ATP6V0E1: variants seen among roughly 807,000 people sequenced by gnomAD.
ATP6V0E1 encodes the protein V-type proton ATPase subunit e 1.
A neutral mutation model predicts 11.6 loss-of-function variants in ATP6V0E1; 4 were observed. That is an observed-to-expected ratio of 0.35 (90% CI 0.17 to 0.79). The LOEUF is 0.79. Ranked by LOEUF, ATP6V0E1 falls within the 30% of genes least tolerant of loss-of-function variation. ATP6V0E1 has a pLI of 0.54. For missense variants in ATP6V0E1, 105 were observed against 100.0 expected, an observed-to-expected ratio of 1.05 and a Z score of -0.21; for synonymous variants, 36 against 34.8, an observed-to-expected ratio of 1.04 and a Z score of -0.13.
chr5:173,011,725 A>G (rs893732247), intron 2 of ATP6V0E1, among the ~76,000 whole-genome samples: 2 of 151,042 alleles, frequency 1.3e-5, no homozygotes, highest in Admixed American at 1.3e-4. Context: ...ATAATCTCAG[A>G]TTGGTTATTA....
At chr5:173,015,784 T>C (rs1016218567) in intron 2 of ATP6V0E1, among the ~76,000 whole-genome samples, 5 of 152,210 alleles carry the variant, frequency 3.3e-5, no homozygotes, top group Admixed American at 6.5e-5. Context: ...TAAAGTGCAG[T>C]GGTGCGACCT....
chr5:173,031,151 A>C (rs1323154262), intron 3 of ATP6V0E1, among the ~76,000 whole-genome samples: 1 of 151,796 alleles, frequency 6.6e-6, no homozygotes, highest in African/African-American at 2.4e-5. Flanking sequence ...TCACTGTGTT[A>C]GCCAGGATGG....
chr5:172,989,458 C>T (rs1345045480), intron 1 of ATP6V0E1, among the ~76,000 whole-genome samples: 3 of 152,180 alleles, frequency 2.0e-5, no homozygotes, highest in Non-Finnish European at 2.9e-5. Flanking sequence ...GATAAATTAA[C>T]ATCAAATACA....
chr5:172,983,832 G>C lies in ATP6V0E1; in HGVS notation c.-29G>C, dbSNP rs758582346. The C allele has an allele frequency of 2.5e-6, 4 of 1,604,610 alleles. No individual in the cohort carries two copies. Among genetic ancestry groups the C allele is most frequent in the Middle Eastern group, 1.7e-4 (1 of 5,906 alleles). ...CTGGTGGGATCCGAGTGAGGCGACG[G>C]GGTAGGGGTTGGCGCTCAGGCGGCG... On this transcript the variant is annotated 5_prime_UTR_variant, in exon 1 of 4. Coordinates refer to ENST00000519374, the MANE Select transcript of ATP6V0E1 (RefSeq NM_003945.4).
intron 1 of ATP6V0E1, among the ~76,000 whole-genome samples, chr5:172,988,061 A>G (rs904569015): frequency 1.3e-5 from 2 of 152,000 alleles, no homozygotes; most frequent in Admixed American, 6.6e-5. Flanking sequence ...TTCCATTTAA[A>G]TTTTTTTTAA....
At position 172,994,823 on chromosome 5, in the gene ATP6V0E1, G is replaced by A; in HGVS notation, c.152+1G>A. 6.3e-7 allele frequency: 1 copy of A among 1,590,042 alleles called. No individual in the cohort carries two copies. Among genetic ancestry groups the A allele is most frequent in the Non-Finnish European group, 8.6e-7 (1 of 1,168,224 alleles). The stretch of plus-strand genomic sequence containing the variant: ...CCTGTTCAGTTTGCTGCTATCTCTT[G>A]TAAGTAATTTTTTCTTAAGTAATTA... On this transcript the variant is annotated splice_donor_variant, in intron 2 of 3. Transcript: ENST00000519374. LOFTEE classifies it high-confidence loss of function.
intron 2 of ATP6V0E1, among the ~76,000 whole-genome samples, chr5:173,017,308 C>T (rs1027915187): frequency 3.3e-5 from 5 of 151,962 alleles, no homozygotes; most frequent in South Asian, 2.1e-4. Flanking sequence ...CCGAGGTGGG[C>T]GGATCACGTG....
intron 2 of ATP6V0E1, among the ~76,000 whole-genome samples, chr5:173,002,579 T>C (rs1293967915): frequency 6.6e-6 from 1 of 152,202 alleles, no homozygotes; most frequent in Non-Finnish European, 1.5e-5. Context: ...CCTTCATAAG[T>C]GGTGTTGAGT....
chr5:173,001,101 C>G (rs910921689), intron 2 of ATP6V0E1, among the ~76,000 whole-genome samples: 1 of 152,120 alleles, frequency 6.6e-6, no homozygotes, highest in African/African-American at 2.4e-5. Flanking sequence ...TTTACTTAGC[C>G]TTATTAGAAT....
chr5:173,020,869 C>A (rs905783426), intron 3 of ATP6V0E1: 14 of 519,880 alleles, frequency 2.7e-5, no homozygotes, highest in African/African-American at 2.1e-4. Flanking sequence ...AGCTGTGCTT[C>A]CCCGAGAGTG....
intron 1 of ATP6V0E1, chr5:172,987,123 A>G: frequency 4.6e-6 from 1 of 215,862 alleles, no homozygotes; most frequent in Admixed American, 5.8e-5. Flanking sequence ...GGAGCAGAAG[A>G]AACTGGAGGA....
chr5:173,008,371 C>T (rs1339904348), intron 2 of ATP6V0E1, among the ~76,000 whole-genome samples: 18 of 147,614 alleles, frequency 1.2e-4, no homozygotes, highest in Non-Finnish European at 2.4e-4. Flanking sequence ...TCAATCTTGG[C>T]TCACTGCAAC....
chr5:173,010,052 G>A (rs544818079), intron 2 of ATP6V0E1, among the ~76,000 whole-genome samples: 2 of 152,146 alleles, frequency 1.3e-5, no homozygotes, highest in Non-Finnish European at 2.9e-5. Context: ...GCGAGCCACC[G>A]TGCCTGTCCT....
At chr5:173,022,729 C>T (rs1756503985) in intron 3 of ATP6V0E1, among the ~76,000 whole-genome samples, 1 of 152,070 alleles carries the variant, frequency 6.6e-6, no homozygotes, top group Non-Finnish European at 1.5e-5. Context: ...ACACTCCTGG[C>T]TCAAGTGATC....
chr5:173,015,183 A>G, intron 2 of ATP6V0E1, among the ~76,000 whole-genome samples: 1 of 152,248 alleles, frequency 6.6e-6, no homozygotes, highest in East Asian at 1.9e-4. Context: ...TTCCTGGTCT[A>G]GGATCTACTA....
intron 1 of ATP6V0E1, among the ~76,000 whole-genome samples, chr5:172,985,199 C>T (rs556094895): frequency 1.3e-5 from 2 of 148,586 alleles, no homozygotes; most frequent in East Asian, 2.0e-4. Flanking sequence ...GAGCCGAGAT[C>T]GCGCCACTGC....
chr5:173,019,781 A>G lies in ATP6V0E1; in HGVS notation c.153-457A>G, dbSNP rs113135215. 8.7e-3 allele frequency among the ~76,000 whole-genome samples: 1,318 copies of G among 152,308 alleles called. 19 individuals carry two copies. The highest frequency in any genetic ancestry group is 0.03 in the African/African-American group (1,257 of 41,562). ...TAGTCTAATAGGAAGATGATAAGCT[A>G]CAATCAAACCTTGCCTGTACCAGTA... On this transcript the variant is annotated intron_variant, in intron 2 of 3. Coordinates refer to ENST00000519374, the MANE Select transcript of ATP6V0E1 (RefSeq NM_003945.4).
intron 2 of ATP6V0E1, among the ~76,000 whole-genome samples, chr5:173,018,576 C>A (rs1756436519): frequency 6.6e-6 from 1 of 152,176 alleles, no homozygotes; most frequent in South Asian, 2.1e-4. Context: ...CCCTGTCTGT[C>A]TTCCTCCTTC....
chr5:173,020,540 C>T (rs1346790768), intron 3 of ATP6V0E1, 173 bp downstream of exon 3: 1 of 575,786 alleles, frequency 1.7e-6, no homozygotes, highest in Admixed American at 2.9e-5. Context: ...TTACCTAAAT[C>T]TCATTAAGAT....
Sources: allele counts gnomAD v4.1 joint callset (sites outside exome capture counted in the v4.1 genomes callset), GRCh38; gene constraint gnomAD v4.1.1; transcripts MANE v1.5; gene names NCBI Gene and HGNC (gene_info 2026-07-23, HGNC 2026-07-21).